CFAP299: variants seen among roughly 807,000 people sequenced by gnomAD.
CFAP299 encodes the protein cilia and flagella associated protein 299, also known as cilia- and flagella-associated protein 299.
In CFAP299, 21 loss-of-function variants were observed where a neutral mutation model predicts 27.0. The observed-to-expected ratio is 0.78, with a 90% CI of 0.55 to 1.12. The LOEUF (loss-of-function observed/expected upper bound fraction) is 1.12, where lower values mean the gene tolerates loss of function less well. Among genes scored for constraint, CFAP299 ranks in the 50% most tolerant of loss-of-function variants. The pLI is 0.00. For missense variants in CFAP299, 310 were observed against 276.6 expected (o/e 1.12, Z -0.86); for synonymous variants, 104 against 98.1 (o/e 1.06, Z -0.36).
intron 1 of CFAP299, among the ~76,000 whole-genome samples, chr4:80,336,373 A>G (rs1031284413): frequency 6.6e-6 from 1 of 152,194 alleles, no homozygotes; most frequent in Admixed American, 6.5e-5. Context: ...TCCACCTCAC[A>G]CTAATTGATT....
intron 3 of CFAP299, among the ~76,000 whole-genome samples, chr4:80,670,609 T>A (rs1188954198): frequency 6.6e-6 from 1 of 152,206 alleles, no homozygotes; most frequent in African/African-American, 2.4e-5. Context: ...CTACCAATAG[T>A]GTAAAGGCGG....
At chr4:80,638,092 T>C (rs1739540721) in intron 3 of CFAP299, among the ~76,000 whole-genome samples, 2 of 152,204 alleles carry the variant, frequency 1.3e-5, no homozygotes, top group Admixed American at 1.3e-4. Context: ...TCAAATCCTT[T>C]TTTATTGACA....
chr4:80,688,945 G>A (rs371154057), intron 3 of CFAP299, among the ~76,000 whole-genome samples: 9 of 151,932 alleles, frequency 5.9e-5, no homozygotes, highest in East Asian at 3.9e-4. Context: ...GGGTATCAGC[G>A]ATGGAAGATG....
At chr4:80,486,532 C>G (rs1178490587) in intron 2 of CFAP299, among the ~76,000 whole-genome samples, 1 of 152,200 alleles carries the variant, frequency 6.6e-6, no homozygotes, top group Non-Finnish European at 1.5e-5. Flanking sequence ...CCCAAACATT[C>G]TTCTCTTGGG....
chr4:80,680,616 A>G (rs1382373226), intron 3 of CFAP299, among the ~76,000 whole-genome samples: 2 of 152,184 alleles, frequency 1.3e-5, no homozygotes, highest in African/African-American at 4.8e-5. Context: ...GAGGATGAGG[A>G]AAGACTGAAG....
chr4:80,784,340 C>T (rs1491003371), intron 3 of CFAP299, among the ~76,000 whole-genome samples: 1 of 152,096 alleles, frequency 6.6e-6, no homozygotes, highest in Non-Finnish European at 1.5e-5. Context: ...CCTTTTTCTT[C>T]ACACCCTCGC....
chr4:80,733,653 C>T (rs1023393729), intron 3 of CFAP299, among the ~76,000 whole-genome samples: 1 of 152,166 alleles, frequency 6.6e-6, no homozygotes, highest in Non-Finnish European at 1.5e-5. Flanking sequence ...TTCCTCTAAT[C>T]TCAATCTCCA....
At chr4:80,938,272 A>G (rs1365140905) in intron 4 of CFAP299, among the ~76,000 whole-genome samples, 2 of 152,192 alleles carry the variant, frequency 1.3e-5, no homozygotes, top group Non-Finnish European at 2.9e-5. Context: ...CACAGTTAAC[A>G]TGTTTGTGAT....
chr4:80,721,954 G>A (rs1722842668), intron 3 of CFAP299, among the ~76,000 whole-genome samples: 1 of 152,100 alleles, frequency 6.6e-6, no homozygotes, highest in South Asian at 2.1e-4. Flanking sequence ...TGTCAAAGAT[G>A]TCACTCAAGC....
At chr4:80,370,902 C>T (rs544492819) in intron 2 of CFAP299, among the ~76,000 whole-genome samples, 17 of 152,372 alleles carry the variant, frequency 1.1e-4, no homozygotes, top group African/African-American at 4.1e-4. Context: ...AGGCAGCGCC[C>T]CAGTGGGGCC....
At chr4:80,820,712 A>G (rs1729657368) in intron 3 of CFAP299, among the ~76,000 whole-genome samples, 2 of 152,166 alleles carry the variant, frequency 1.3e-5, no homozygotes, top group Admixed American at 1.3e-4. Context: ...GACAGGGGCT[A>G]AAGGGACAGA....
intron 2 of CFAP299, among the ~76,000 whole-genome samples, chr4:80,481,424 T>G (rs1426577143): frequency 6.6e-6 from 1 of 152,122 alleles, no homozygotes; most frequent in Non-Finnish European, 1.5e-5. Flanking sequence ...CATTGCCAGA[T>G]GTTGTACTCA....
chr4:80,910,927 T>C (rs530619403), intron 4 of CFAP299, among the ~76,000 whole-genome samples: 1 of 152,246 alleles, frequency 6.6e-6, no homozygotes, highest in African/African-American at 2.4e-5. Context: ...GTATACACTA[T>C]TGGAAATGCT....
At chr4:80,450,594 T>C (rs1728852802) in intron 2 of CFAP299, among the ~76,000 whole-genome samples, 1 of 152,016 alleles carries the variant, frequency 6.6e-6, no homozygotes, top group Non-Finnish European at 1.5e-5. Flanking sequence ...TAGGTTAGTT[T>C]AGGTTGCAGG....
At chr4:80,908,646 G>T (rs1245658038) in intron 4 of CFAP299, among the ~76,000 whole-genome samples, 4 of 152,058 alleles carry the variant, frequency 2.6e-5, no homozygotes, top group Non-Finnish European at 4.4e-5. Flanking sequence ...ATGTTCTTTA[G>T]ACATAAATGT....
chr4:80,530,757 A>G (rs1482571210), intron 2 of CFAP299, among the ~76,000 whole-genome samples: 2 of 152,210 alleles, frequency 1.3e-5, no homozygotes, highest in African/African-American at 4.8e-5. Flanking sequence ...AGTTAGAAAG[A>G]GATGAAAGGG....
intron 2 of CFAP299, among the ~76,000 whole-genome samples, chr4:80,374,004 A>G (rs957042934): frequency 6.6e-6 from 1 of 152,076 alleles, no homozygotes; most frequent in African/African-American, 2.4e-5. Context: ...TTTCCTGAGC[A>G]TTTTCCTCTC....
At chr4:80,367,101 G>A (rs1723873429) in intron 2 of CFAP299, among the ~76,000 whole-genome samples, 1 of 152,140 alleles carries the variant, frequency 6.6e-6, no homozygotes, top group African/African-American at 2.4e-5. Context: ...TTCTTGGTGT[G>A]ATAATATGTG....
intron 2 of CFAP299, chr4:80,387,136 A>G (rs1725056567): frequency 2.1e-6 from 3 of 1,405,780 alleles, no homozygotes; most frequent in African/African-American, 1.4e-5. Flanking sequence ...CACGTTTGAC[A>G]CACTTGTAGA....
Sources: gnomAD v4.1 joint callset for allele counts (sites outside exome capture counted in the v4.1 genomes callset) on GRCh38, gnomAD v4.1.1 for gene constraint, MANE v1.5 for transcripts, NCBI Gene and HGNC (gene_info 2026-07-23, HGNC 2026-07-21) for gene names.